RBMS3: variants seen among roughly 807,000 people sequenced by gnomAD.
The protein encoded by RBMS3 is RNA binding motif single stranded interacting protein 3.
RBMS3 carries 27 observed loss-of-function variants against 66.8 expected under a neutral mutation model. That is an observed-to-expected ratio of 0.40 (90% CI 0.30 to 0.56). The LOEUF is 0.56. Among genes scored for constraint, RBMS3 ranks in the 20% least tolerant of loss-of-function variants. RBMS3 has a pLI of 0.40. For missense variants in RBMS3, 513 were observed against 549.5 expected, an observed-to-expected ratio of 0.93 and a Z score of 0.66; for synonymous variants, 188 against 183.0, an observed-to-expected ratio of 1.03 and a Z score of -0.22.
At chr3:29,535,957 T>G (rs2045541530) in intron 3 of RBMS3, among the ~76,000 whole-genome samples, 1 of 152,052 alleles carries the variant, frequency 6.6e-6, no homozygotes, top group Non-Finnish European at 1.5e-5. Flanking sequence ...TTGTAATAGT[T>G]TCCATAGTGT....
chr3:29,709,045 G>A (rs1193483728), intron 4 of RBMS3, among the ~76,000 whole-genome samples: 2 of 152,088 alleles, frequency 1.3e-5, no homozygotes, highest in African/African-American at 2.4e-5. Context: ...TCCCACTGGG[G>A]CCTGCTGAAG....
At chr3:29,400,233 G>A (rs748692387) in intron 1 of RBMS3, among the ~76,000 whole-genome samples, 6 of 152,210 alleles carry the variant, frequency 3.9e-5, no homozygotes, top group Non-Finnish European at 7.4e-5. Context: ...GAGTTCACAA[G>A]CACTGTGCTG....
intron 3 of RBMS3, among the ~76,000 whole-genome samples, chr3:29,508,244 C>A (rs1384232772): frequency 6.6e-6 from 1 of 152,142 alleles, no homozygotes; most frequent in East Asian, 1.9e-4. Flanking sequence ...GGTACATGTG[C>A]AGAATGCACA....
chr3:29,462,935 G>A (rs1319898001), intron 2 of RBMS3, among the ~76,000 whole-genome samples: 1 of 152,214 alleles, frequency 6.6e-6, no homozygotes, highest in Admixed American at 6.5e-5. Flanking sequence ...AAATGTATAT[G>A]ACTAGTGTTT....
At chr3:29,315,667 A>G (rs1043367895) in intron 1 of RBMS3, among the ~76,000 whole-genome samples, 5 of 151,808 alleles carry the variant, frequency 3.3e-5, no homozygotes, top group Non-Finnish European at 5.9e-5. Flanking sequence ...GTTAAACATT[A>G]AACTTGGTAA....
At chr3:29,641,848 A>G in intron 4 of RBMS3, among the ~76,000 whole-genome samples, 1 of 152,074 alleles carries the variant, frequency 6.6e-6, no homozygotes, top group East Asian at 1.9e-4. Flanking sequence ...TGAAGAGCAG[A>G]GGCACAGTGA....
intron 4 of RBMS3, among the ~76,000 whole-genome samples, chr3:29,684,052 A>G (rs2051610466): frequency 6.6e-6 from 1 of 152,222 alleles, no homozygotes; most frequent in African/African-American, 2.4e-5. Flanking sequence ...TTCTTGTGAG[A>G]AACCAATTAA....
chr3:29,316,156 G>A (rs74459787), intron 1 of RBMS3, among the ~76,000 whole-genome samples: 9,465 of 151,716 alleles, frequency 0.062, 387 homozygotes, highest in Non-Finnish European at 0.084. Context: ...TGGTATGGCT[G>A]TCCTGGTATG....
At chr3:29,327,410 TAGAC>T (rs1243509500) in intron 1 of RBMS3, among the ~76,000 whole-genome samples, 2 of 152,160 alleles carry the variant, frequency 1.3e-5, no homozygotes, top group African/African-American at 4.8e-5. Flanking sequence ...CTCTATGTGA[TAGAC>T]AGAGTGTTCT....
intron 3 of RBMS3, among the ~76,000 whole-genome samples, chr3:29,583,068 A>G (rs2047386590): frequency 6.6e-6 from 1 of 152,136 alleles, no homozygotes; most frequent in Non-Finnish European, 1.5e-5. Context: ...ATTTTGTACA[A>G]AAGGGCCAAC....
At chr3:29,798,958 A>G (rs2057304799) in intron 6 of RBMS3, among the ~76,000 whole-genome samples, 1 of 147,378 alleles carries the variant, frequency 6.8e-6, no homozygotes. Flanking sequence ...TGTAATCACA[A>G]GGGATTGTAC....
chr3:29,821,997 T>C (rs1031221374), intron 6 of RBMS3, among the ~76,000 whole-genome samples: 1 of 152,168 alleles, frequency 6.6e-6, no homozygotes, highest in African/African-American at 2.4e-5. Flanking sequence ...GGGAGCATTA[T>C]TTTTTCATCA....
intron 12 of RBMS3, among the ~76,000 whole-genome samples, chr3:29,965,566 G>C (rs1696779405): frequency 6.6e-6 from 1 of 152,016 alleles, no homozygotes; most frequent in Non-Finnish European, 1.5e-5. Context: ...CCCACTTTTT[G>C]ATGGGATTGT....
intron 3 of RBMS3, among the ~76,000 whole-genome samples, 197 bp downstream of exon 3, chr3:29,488,696 A>G (rs2043415117): frequency 6.6e-6 from 1 of 152,220 alleles, no homozygotes; most frequent in African/African-American, 2.4e-5. Context: ...AACAAACAAA[A>G]TGAAAATCAC....
chr3:29,929,600 A>G (rs1437063453), intron 10 of RBMS3, among the ~76,000 whole-genome samples: 1 of 151,804 alleles, frequency 6.6e-6, no homozygotes, highest in Admixed American at 6.6e-5. Context: ...TTAAAAAAAA[A>G]TACTTCCAGT....
In RBMS3 at chr3:29,864,721, TA is replaced by T. The variant is rs916241420; in HGVS notation, c.638-4129del. ...ATTTATTTAGATATAATACATTCTT[TA>T]AAAAAAACTTTCACAATAGCTCTAT... On this transcript the variant is annotated intron_variant, in intron 6 of 14. Transcript: ENST00000383767. 2.4e-3 allele frequency among the ~76,000 whole-genome samples: 360 copies of T among 151,834 alleles called. 1 individual carries two copies. Among genetic ancestry groups the T allele is most frequent in the African/African-American group, 8.3e-3 (345 of 41,372 alleles).
chr3:29,987,801 G>C (rs1244485342), intron 12 of RBMS3, among the ~76,000 whole-genome samples: 3 of 152,080 alleles, frequency 2.0e-5, no homozygotes, highest in Non-Finnish European at 4.4e-5. Context: ...GAGTAAAAAA[G>C]AGACATCATC....
At chr3:29,441,585 G>A (rs778878186) in intron 2 of RBMS3, among the ~76,000 whole-genome samples, 14 of 152,078 alleles carry the variant, frequency 9.2e-5, no homozygotes, top group African/African-American at 1.2e-4. Flanking sequence ...GCCGATATTC[G>A]TAATCACTGA....
chr3:29,939,295 A>G (rs1338032295), intron 11 of RBMS3, among the ~76,000 whole-genome samples: 2 of 152,120 alleles, frequency 1.3e-5, no homozygotes, highest in South Asian at 2.1e-4. Flanking sequence ...TACTCATACT[A>G]TATAAACATA....
Sources: gnomAD v4.1 joint callset for allele counts (sites outside exome capture counted in the v4.1 genomes callset) on GRCh38, gnomAD v4.1.1 for gene constraint, MANE v1.5 for transcripts, NCBI Gene and HGNC (gene_info 2026-07-23, HGNC 2026-07-21) for gene names.